The following ADGRE1 variants were observed in gnomAD, a reference collection of about 807,000 sequenced individuals.
ADGRE1 encodes the protein adhesion G protein-coupled receptor E1.
Under a neutral mutation model 102.7 loss-of-function variants are expected in ADGRE1, and 82 were observed. The ratio of observed to expected loss-of-function variants is 0.80; its 90% confidence interval spans 0.67 to 0.96. The LOEUF is 0.96. Among genes scored for constraint, ADGRE1 ranks in the 40% least tolerant of loss-of-function variants. ADGRE1 has a pLI of 0.00. For synonymous variants in ADGRE1, 398 were observed against 399.6 expected (o/e 1.00, Z 0.05); for missense variants, 1,032 against 1,085.3 (o/e 0.95, Z 0.69).
At chr19:6,894,751 G>A (rs1973489965) in intron 2 of ADGRE1, among the ~76,000 whole-genome samples, 1 of 152,174 alleles carries the variant, frequency 6.6e-6, no homozygotes, top group Non-Finnish European at 1.5e-5. Flanking sequence ...AGATTGTGGA[G>A]GACAATGGGG....
intron 17 of ADGRE1, among the ~76,000 whole-genome samples, chr19:6,932,385 G>A (rs1045702857): frequency 2.0e-5 from 3 of 151,996 alleles, no homozygotes; most frequent in African/African-American, 7.2e-5. Flanking sequence ...GGAGAATGGC[G>A]TGAACCTGGG....
chr19:6,903,755 T>C, intron 6 of ADGRE1, 55 bp from the exon 7 acceptor site: 2 of 1,605,022 alleles, frequency 1.2e-6, no homozygotes, highest in Middle Eastern at 1.7e-4. Context: ...AAGGGAAGCA[T>C]GATTTTGTTG....
At chr19:6,908,664 C>CTTTTTT in intron 9 of ADGRE1, 25 bp from the exon 10 acceptor site, 1 of 1,350,590 alleles carries the variant, frequency 7.4e-7, no homozygotes, top group Admixed American at 2.3e-5. Context: ...CACAAATGCT[C>CTTTTTT]TTTTTTTTTT....
Position 6,919,757 on chromosome 19 carries a change from G to C in ADGRE1, c.1620+10G>C, listed in dbSNP as rs1303001720. The C allele has an allele frequency of 3.7e-6, 6 of 1,612,762 alleles. No individual in the cohort carries two copies. The highest frequency in any genetic ancestry group is 5.1e-6 in the Non-Finnish European group (6 of 1,179,128). Reference sequence around the variant, plus strand: ...TCTGGAGAACATTCAGGTTTGTGAAGAGGTCTCTACTGAGATTCTTGTCTA... The same window carrying C: ...TCTGGAGAACATTCAGGTTTGTGAACAGGTCTCTACTGAGATTCTTGTCTA... On this transcript the variant is annotated intron_variant, in intron 13 of 20. Coordinates refer to ENST00000312053, the MANE Select transcript of ADGRE1 (RefSeq NM_001974.5).
At chr19:6,898,514 G>A in intron 5 of ADGRE1, 1 of 1,556,900 alleles carries the variant, frequency 6.4e-7, no homozygotes, top group South Asian at 1.1e-5. Flanking sequence ...TCTATCAGTG[G>A]GGTGAGTTCA....
intron 10 of ADGRE1, 43 bp from the exon 11 acceptor site, chr19:6,913,610 T>G: frequency 1.4e-6 from 2 of 1,471,094 alleles, no homozygotes; most frequent in Non-Finnish European, 1.8e-6. Context: ...ATTTCATTAA[T>G]GAGAGAGAGA....
In ADGRE1 at chr19:6,921,856, C is replaced by T. The variant is rs767928378; in HGVS notation, c.1764C>T (p.Ala588=). 2.2e-5 allele frequency: 35 copies of T among 1,613,754 alleles called. No homozygotes were observed. Among genetic ancestry groups the T allele is most frequent in the South Asian group, 6.6e-5 (6 of 91,068 alleles). The change falls in exon 14 of 21, where the codon GCC becomes GCT. Residue 588 remains alanine (A), a synonymous_variant. Coordinates refer to ENST00000312053, the MANE Select transcript of ADGRE1 (RefSeq NM_001974.5). ...GCTGTAATCAGATGGCAAATCTTGC[C>T]GTTATCATGGCGTCTGGGGAGCTCA... ...ICSCNQMANL[A]VIMASGELTM...
rs562101745 is a variant in ADGRE1, at chr19:6,897,448, A to C, written c.415A>C (p.Ser139Arg). 3 of 1,597,374 alleles carry C rather than the reference A, an allele frequency of 1.9e-6. No homozygotes were observed. In the South Asian group the frequency reaches 3.4e-5, roughly 18 times the overall value. The change falls in exon 5 of 21, where the codon AGC (serine) becomes CGC (arginine). Residue 139 changes from serine to arginine, a missense_variant. Ser to Arg is a moderately radical substitution (Grantham distance 110). Transcript: ENST00000312053. Reference protein sequence around the residue: ...SCTDINECLTSSVCPEHSDCV... With the variant: ...SCTDINECLTRSVCPEHSDCV... ...CTCAGATATCAATGAGTGCCTCACC[A>C]GCAGCGTCTGCCCTGAGCATTCTGA...
intron 14 of ADGRE1, 80 bp downstream of exon 14, chr19:6,921,963 G>T (rs1330415384): frequency 6.7e-7 from 1 of 1,493,400 alleles, no homozygotes; most frequent in African/African-American, 1.4e-5. Context: ...AACATCTGTT[G>T]TGTGTCTCCC....
chr19:6,904,199 A>G lies in ADGRE1; in HGVS notation c.949+17A>G, dbSNP rs199612781. 6.2e-6 allele frequency: 10 copies of G among 1,610,718 alleles called. No homozygotes were observed. In the African/African-American group the frequency reaches 1.1e-4, roughly 17 times the overall value. On this transcript the variant is annotated intron_variant, in intron 8 of 20. Coordinates refer to ENST00000312053, the MANE Select transcript of ADGRE1 (RefSeq NM_001974.5). ...GCTGCCAAAGTAATAATCTCTTTGT[A>G]TGTCTTGGCAATGGAATCTGTTTCT...
At chr19:6,921,957 T>G in intron 14 of ADGRE1, 74 bp downstream of exon 14, 1 of 1,510,034 alleles carries the variant, frequency 6.6e-7, no homozygotes, top group South Asian at 1.3e-5. Flanking sequence ...TGATTAAACA[T>G]CTGTTGTGTG....
At chr19:6,937,482 C>T (rs1975469098) in intron 19 of ADGRE1, 62 bp from the exon 20 acceptor site, 3 of 1,600,654 alleles carry the variant, frequency 1.9e-6, no homozygotes, top group Admixed American at 1.7e-5. Context: ...CGCATCCCTC[C>T]ACCCAACATC....
At chr19:6,902,845 T>C (rs1973822157) in intron 6 of ADGRE1, among the ~76,000 whole-genome samples, 3 of 152,212 alleles carry the variant, frequency 2.0e-5, no homozygotes, top group Admixed American at 2.0e-4. Context: ...CAAGCAATTC[T>C]TTTGCCTCAG....
rs748328448 is a variant in ADGRE1 at position 6,897,290 on chromosome 19, A to G, written c.380A>G (p.Asn127Ser). Residue 127 changes from asparagine (N) to serine (S), a missense_variant, in exon 4 of 21, where the codon AAT (asparagine) becomes AGT (serine). Asn to Ser is a conservative substitution (Grantham distance 46). Coordinates refer to ENST00000312053, the MANE Select transcript of ADGRE1 (RefSeq NM_001974.5). ...GACTGGGTCCCAGGAAAGCCGGGCA[A>G]TTTCTCCTGTACTGGTAATGCTCTC... ...GNDWVPGKPGNFSCTDINECL... is the reference protein window; with the variant it reads ...GNDWVPGKPGSFSCTDINECL... The G allele has an allele frequency of 2.5e-6, 4 of 1,613,668 alleles. No individual in the cohort carries two copies. In the Admixed American group the frequency reaches 5.0e-5, roughly 20 times the overall value.
At chr19:6,898,390 T>G in intron 5 of ADGRE1, 1 of 1,601,944 alleles carries the variant, frequency 6.2e-7, no homozygotes, top group Non-Finnish European at 8.6e-7. Context: ...CAAGTGCAGC[T>G]GTTTAGATGG....
chr19:6,928,996 TACAG>T (rs1226131975), intron 17 of ADGRE1, among the ~76,000 whole-genome samples: 1 of 152,128 alleles, frequency 6.6e-6, no homozygotes, highest in Non-Finnish European at 1.5e-5. Flanking sequence ...ATTTCGAAGT[TACAG>T]AGTAATTTCT....
At chr19:6,938,827 G>A (rs1489112784) in intron 20 of ADGRE1, among the ~76,000 whole-genome samples, 3 of 144,952 alleles carry the variant, frequency 2.1e-5, no homozygotes, top group African/African-American at 5.2e-5. Context: ...ATGGAGTCTC[G>A]CTCTGTAACC....
Position 6,937,874 on chromosome 19 carries a change from CAT to C in ADGRE1, c.2655+232_2655+233del, listed in dbSNP as rs199977674. Reference sequence around the variant, plus strand: ...TTTAAATAAAATTTCAAGAATAAGACATATATAATTTATAACAGATTTACATA... The same window carrying C: ...TTTAAATAAAATTTCAAGAATAAGACATATAATTTATAACAGATTTACATA... On this transcript the variant is annotated intron_variant, in intron 20 of 20. Coordinates refer to ENST00000312053, the MANE Select transcript of ADGRE1 (RefSeq NM_001974.5). 3.9e-3 allele frequency among the ~76,000 whole-genome samples: 600 copies of C among 151,966 alleles called. 3 individuals carry two copies. Among genetic ancestry groups the C allele is most frequent in the African/African-American group, 0.014 (568 of 41,428 alleles).
At chr19:6,903,731 C>T in intron 6 of ADGRE1, 79 bp from the exon 7 acceptor site, 1 of 1,564,352 alleles carries the variant, frequency 6.4e-7, no homozygotes, top group South Asian at 1.2e-5. Flanking sequence ...TGAAACATGA[C>T]TCCATATTTT....
Sources: allele counts gnomAD v4.1 joint callset (sites outside exome capture counted in the v4.1 genomes callset), GRCh38; gene constraint gnomAD v4.1.1; transcripts MANE v1.5; gene names NCBI Gene and HGNC (gene_info 2026-07-23, HGNC 2026-07-21).